The following LYPLAL1 variants were observed in gnomAD, a reference collection of about 807,000 sequenced individuals.
LYPLAL1 encodes the protein lysophospholipase like 1, also known as lysophospholipase-like protein 1.
Under a neutral mutation model 19.7 loss-of-function variants are expected in LYPLAL1, and 23 were observed. That is an observed-to-expected ratio of 1.17 (90% CI 0.84 to 1.65). The LOEUF is 1.65. LYPLAL1 is among the 40% of genes most tolerant of loss of function. The pLI is 0.00. For synonymous variants in LYPLAL1, 119 were observed against 96.3 expected (o/e 1.24, Z -1.38); for missense variants, 355 against 279.4 (o/e 1.27, Z -1.93).
At chr1:219,409,772 C>T in the LYPLAL1 span, 1 of 152,212 alleles carries the variant, frequency 6.6e-6, no homozygotes, top group African/African-American at 2.4e-5. Flanking sequence ...GGGGGCTGAA[C>T]ACGGCAGGTT....
the LYPLAL1 span, among the ~76,000 whole-genome samples, chr1:219,254,673 G>T: frequency 6.6e-6 from 1 of 151,962 alleles, no homozygotes; most frequent in Non-Finnish European, 1.5e-5. Context: ...GGTCCCCTTT[G>T]TAAGTAACCT....
the LYPLAL1 span, among the ~76,000 whole-genome samples, chr1:219,310,961 G>A: frequency 6.6e-6 from 1 of 152,122 alleles, no homozygotes; most frequent in Non-Finnish European, 1.5e-5. Flanking sequence ...TGAAGGTGAA[G>A]CATTTAGCAC....
chr1:219,334,054 C>G, the LYPLAL1 span, among the ~76,000 whole-genome samples: 4 of 151,984 alleles, frequency 2.6e-5, no homozygotes, highest in Admixed American at 6.6e-5. Context: ...TCAAATGAAG[C>G]CTTCCTTGTT....
downstream of LYPLAL1, among the ~76,000 whole-genome samples, chr1:219,216,618 C>T (rs1033986225): frequency 6.6e-6 from 1 of 152,126 alleles, no homozygotes; most frequent in Non-Finnish European, 1.5e-5. Flanking sequence ...GCTCCTCTTC[C>T]TTTCAGGAGG....
the LYPLAL1 span, among the ~76,000 whole-genome samples, chr1:219,345,221 C>T: frequency 6.6e-6 from 1 of 152,116 alleles, no homozygotes; most frequent in Non-Finnish European, 1.5e-5. Flanking sequence ...TATTTAATCA[C>T]CTCTATTAGA....
chr1:219,288,652 C>G, the LYPLAL1 span, among the ~76,000 whole-genome samples: 19 of 152,282 alleles, frequency 1.2e-4, no homozygotes, highest in African/African-American at 4.6e-4. Context: ...AAACTATGGA[C>G]TTTGGGTGAT....
chr1:219,258,077 A>G, the LYPLAL1 span, among the ~76,000 whole-genome samples: 1 of 152,020 alleles, frequency 6.6e-6, no homozygotes, highest in Non-Finnish European at 1.5e-5. Flanking sequence ...ATTCTGCTCA[A>G]CCCTGCAGGC....
the LYPLAL1 span, among the ~76,000 whole-genome samples, chr1:219,358,822 G>A: frequency 6.6e-6 from 1 of 151,206 alleles, no homozygotes; most frequent in African/African-American, 2.4e-5. Context: ...TAATTATAGT[G>A]CGTGTGTGTG....
intron 1 of LYPLAL1, among the ~76,000 whole-genome samples, chr1:219,178,739 T>C (rs910145109): frequency 6.6e-6 from 1 of 152,140 alleles, no homozygotes; most frequent in Admixed American, 6.5e-5. Context: ...CTACAGAAGT[T>C]TAACAGTCAC....
chr1:219,385,615 A>G, the LYPLAL1 span, among the ~76,000 whole-genome samples: 8 of 146,834 alleles, frequency 5.4e-5, no homozygotes, highest in African/African-American at 1.9e-4. Context: ...GGGAAGGGCA[A>G]TAAAGAGGAA....
the LYPLAL1 span, among the ~76,000 whole-genome samples, chr1:219,366,925 A>AT: frequency 1.3e-5 from 2 of 151,856 alleles, no homozygotes; most frequent in Admixed American, 6.6e-5. Context: ...AAATTAAATG[A>AT]TTTTTTATCC....
the LYPLAL1 span, among the ~76,000 whole-genome samples, chr1:219,247,934 A>G: frequency 6.6e-6 from 1 of 152,180 alleles, no homozygotes; most frequent in Non-Finnish European, 1.5e-5. Context: ...TGAAAACATG[A>G]AATCAACTTT....
chr1:219,402,367 T>C, the LYPLAL1 span, among the ~76,000 whole-genome samples: 1 of 152,138 alleles, frequency 6.6e-6, no homozygotes. Context: ...AAATAAAAAT[T>C]GAGTGTTTAT....
the LYPLAL1 span, among the ~76,000 whole-genome samples, chr1:219,268,968 T>C: frequency 1.3e-5 from 2 of 152,244 alleles, no homozygotes; most frequent in African/African-American, 4.8e-5. Context: ...CTCAATCTGC[T>C]TAACGTTCAT....
the LYPLAL1 span, among the ~76,000 whole-genome samples, chr1:219,433,873 G>T: frequency 6.6e-6 from 1 of 152,200 alleles, no homozygotes; most frequent in Non-Finnish European, 1.5e-5. Context: ...TTCATCAATT[G>T]TTTGTCGAAT....
the LYPLAL1 span, among the ~76,000 whole-genome samples, chr1:219,420,157 C>G: frequency 6.6e-6 from 1 of 152,184 alleles, no homozygotes; most frequent in Non-Finnish European, 1.5e-5. Flanking sequence ...CTTGTGAACT[C>G]CAAGAACAGC....
the LYPLAL1 span, among the ~76,000 whole-genome samples, chr1:219,282,435 T>G: frequency 8.7e-5 from 13 of 149,984 alleles, no homozygotes; most frequent in East Asian, 2.6e-3. Context: ...ATAAGTAATT[T>G]AAGACATTTT....
At position 219,197,738 on chromosome 1, in the gene LYPLAL1, G is replaced by A. The variant is rs568113502; in HGVS notation, c.361+4487G>A. ...TTTGCGATCTATCCATCTGACCAAG[G>A]TCTAATATCCAGAATCTACAAGGAA... On this transcript the variant is annotated intron_variant, in intron 3 of 4. Transcript: ENST00000366928. 3.9e-5 allele frequency among the ~76,000 whole-genome samples: 6 copies of A among 152,164 alleles called. No homozygotes were observed. The South Asian group carries it at 1.2e-3, about 32-fold the overall frequency.
At chr1:219,201,207 T>G (rs528356818) in intron 3 of LYPLAL1, among the ~76,000 whole-genome samples, 10 of 152,226 alleles carry the variant, frequency 6.6e-5, no homozygotes, top group Admixed American at 1.3e-4. Flanking sequence ...TAGTTTGACA[T>G]AAAAAAACTT....
Sources: gnomAD v4.1 joint callset for allele counts (sites outside exome capture counted in the v4.1 genomes callset) on GRCh38, gnomAD v4.1.1 for gene constraint, MANE v1.5 for transcripts, NCBI Gene and HGNC (gene_info 2026-07-23, HGNC 2026-07-21) for gene names.